GRAMD1C: variants seen among roughly 807,000 people sequenced by gnomAD.
The protein encoded by GRAMD1C is protein Aster-C.
Under a neutral mutation model 97.8 loss-of-function variants are expected in GRAMD1C, and 89 were observed. That is an observed-to-expected ratio of 0.91 (90% CI 0.77 to 1.09). The LOEUF (loss-of-function observed/expected upper bound fraction) is 1.09. Ranked by LOEUF, GRAMD1C falls within the 50% of genes least tolerant of loss-of-function variation. The pLI is 0.00. For missense variants in GRAMD1C, 740 were observed against 766.4 expected (o/e 0.97, Z 0.41); for synonymous variants, 256 against 267.0 (o/e 0.96, Z 0.40).
At chr3:113,843,062 T>G (rs552302788) in intron 1 of GRAMD1C, among the ~76,000 whole-genome samples, 34 of 143,076 alleles carry the variant, frequency 2.4e-4, no homozygotes, top group African/African-American at 7.5e-4. Flanking sequence ...TTTTTTTTTT[T>G]TTTTTTTTTT....
chr3:113,895,813 C>T (rs1234621499), intron 6 of GRAMD1C, among the ~76,000 whole-genome samples: 1 of 152,120 alleles, frequency 6.6e-6, no homozygotes, highest in East Asian at 1.9e-4. Flanking sequence ...TTTTTCTTGC[C>T]TCTTTGCCAG....
intron 7 of GRAMD1C, among the ~76,000 whole-genome samples, chr3:113,901,960 T>C (rs969257669): frequency 6.8e-6 from 1 of 146,786 alleles, no homozygotes; most frequent in Admixed American, 7.0e-5. Context: ...CAGGAGCTGA[T>C]AGGAAGGGAG....
chr3:113,911,630 CCTTTCTTTCCTTCTTT>C (rs967469724), intron 9 of GRAMD1C, among the ~76,000 whole-genome samples: 22 of 150,720 alleles, frequency 1.5e-4, no homozygotes, highest in African/African-American at 4.9e-4. Flanking sequence ...TTCCCTTCTT[CCTTTCTTTCCTTCTTT>C]CTTTTTCTTT....
chr3:113,832,272 C>A (rs1206041302), intron 1 of GRAMD1C, among the ~76,000 whole-genome samples: 2 of 152,122 alleles, frequency 1.3e-5, no homozygotes, highest in East Asian at 3.9e-4. Flanking sequence ...AGGTGATCCA[C>A]CTGCCTCAGC....
chr3:113,945,613 T>C lies in GRAMD1C; in HGVS notation c.*135T>C, dbSNP rs1430699430. 1.7e-6 allele frequency: 1 copy of C among 584,086 alleles called. No individual in the cohort carries two copies. Among genetic ancestry groups the C allele is most frequent in the Non-Finnish European group, 3.1e-6 (1 of 326,326 alleles). 36.2% of individuals were successfully genotyped at this position (584,086 alleles called of 1,614,324 possible). On this transcript the variant is annotated 3_prime_UTR_variant, in exon 18 of 18. Coordinates refer to ENST00000358160, the MANE Select transcript of GRAMD1C (RefSeq NM_017577.5). Reference sequence around the variant, plus strand: ...TATTGAGATTTCTAATATGAACATTTCTTTCAGTAACATTTATTTGATAAT... The same window carrying C: ...TATTGAGATTTCTAATATGAACATTCCTTTCAGTAACATTTATTTGATAAT...
intron 11 of GRAMD1C, among the ~76,000 whole-genome samples, chr3:113,932,459 G>A (rs1414814308): frequency 6.6e-6 from 1 of 152,134 alleles, no homozygotes; most frequent in African/African-American, 2.4e-5. Context: ...GAAAAGCAGT[G>A]TTTTGTTTGG....
At chr3:113,879,066 AT>A (rs774564518) in intron 5 of GRAMD1C, among the ~76,000 whole-genome samples, 30 of 152,154 alleles carry the variant, frequency 2.0e-4, no homozygotes, top group Non-Finnish European at 3.8e-4. Flanking sequence ...TTAGCTGGGC[AT>A]GGTGGTGCAC....
At chr3:113,924,148 G>A (rs1441873956) in intron 10 of GRAMD1C, among the ~76,000 whole-genome samples, 1 of 139,554 alleles carries the variant, frequency 7.2e-6, no homozygotes, top group East Asian at 2.2e-4. Flanking sequence ...ATTTCTGATT[G>A]TGTTTATTTG....
intron 3 of GRAMD1C, among the ~76,000 whole-genome samples, chr3:113,873,573 C>T (rs912710216): frequency 2.6e-5 from 4 of 151,892 alleles, no homozygotes; most frequent in Admixed American, 2.0e-4. Flanking sequence ...GGCTGGAGTG[C>T]AATGGCATGA....
At position 113,915,691 on chromosome 3, in the gene GRAMD1C, G is replaced by C. The variant is rs1265979334; in HGVS notation, c.953-10G>C. 1 of 1,604,214 alleles carries C rather than the reference G, an allele frequency of 6.2e-7. No homozygotes were observed. Among genetic ancestry groups the C allele is most frequent in the African/African-American group, 1.3e-5 (1 of 74,516 alleles). On this transcript the variant is annotated splice_polypyrimidine_tract_variant and intron_variant, in intron 9 of 17. Transcript: ENST00000358160. ...TTCTTCTCTTTTGGTTTGTGTTTCT[G>C]TTTTTCCAGAAAATGTTCCTGAGAA...
chr3:113,843,131 G>T lies in GRAMD1C; in HGVS notation c.28-1372G>T, dbSNP rs556702390. ...GCTTTGCCGGCCAGCCTGGAGTGCT[G>T]TAGCTTGATCATGGCTTACTACAGT... On this transcript the variant is annotated intron_variant, in intron 1 of 17. Coordinates refer to ENST00000358160, the MANE Select transcript of GRAMD1C (RefSeq NM_017577.5). Among the ~76,000 whole-genome samples, 4 of 136,416 alleles carry T rather than the reference G, an allele frequency of 2.9e-5. No homozygotes were observed. In the South Asian group the frequency reaches 9.1e-4, roughly 31 times the overall value. 89.5% of individuals were successfully genotyped at this position (136,416 alleles called of 152,430 possible). A position where few individuals can be genotyped will look rare whatever the true frequency, so the allele number is the denominator to read the frequency against.
intron 2 of GRAMD1C, among the ~76,000 whole-genome samples, chr3:113,855,700 TCTCAGAAAA>T (rs1934097320): frequency 6.7e-6 from 1 of 149,678 alleles, no homozygotes; most frequent in African/African-American, 2.5e-5. Context: ...TGAGACTCTG[TCTCAGAAAA>T]AAAAAAAAGA....
At chr3:113,858,069 A>AT (rs1282993991) in intron 2 of GRAMD1C, among the ~76,000 whole-genome samples, 2 of 152,074 alleles carry the variant, frequency 1.3e-5, no homozygotes, top group Non-Finnish European at 2.9e-5. Context: ...TATAGAATTA[A>AT]TTTTTTTAAT....
intron 17 of GRAMD1C, among the ~76,000 whole-genome samples, chr3:113,941,620 ATT>A (rs11378575): frequency 3.6e-5 from 5 of 139,484 alleles, no homozygotes; most frequent in Admixed American, 7.2e-5. Context: ...TGGTGTTGCA[ATT>A]TTTTTTTTTT....
intron 10 of GRAMD1C, among the ~76,000 whole-genome samples, chr3:113,923,620 A>G (rs112368968): frequency 0.12 from 18,507 of 152,228 alleles, 1,440 homozygotes; most frequent in East Asian, 0.29. Context: ...GATAAAGCCT[A>G]CTTTATTGTG....
intron 10 of GRAMD1C, among the ~76,000 whole-genome samples, chr3:113,930,204 G>A (rs1577217410): frequency 6.6e-6 from 1 of 152,072 alleles, no homozygotes; most frequent in African/African-American, 2.4e-5. Flanking sequence ...TTGCCTTACT[G>A]TGACTAAAGA....
At chr3:113,920,081 C>G in intron 10 of GRAMD1C, 1 of 1,194,184 alleles carries the variant, frequency 8.4e-7, no homozygotes, top group Non-Finnish European at 1.2e-6. Context: ...GTACTTCAAA[C>G]AGCAGGAGAT....
chr3:113,897,582 G>C (rs1271108246), intron 6 of GRAMD1C: 1 of 979,082 alleles, frequency 1.0e-6, no homozygotes, highest in Non-Finnish European at 1.2e-6. Flanking sequence ...CATTAGAAAA[G>C]CTTCTCATAG....
chr3:113,913,086 A>G, intron 9 of GRAMD1C: 1 of 1,276,210 alleles, frequency 7.8e-7, no homozygotes, highest in Middle Eastern at 2.1e-4. Context: ...GCAGCTGGGC[A>G]TGGATTAGTC....
Sources: allele counts gnomAD v4.1 joint callset (sites outside exome capture counted in the v4.1 genomes callset), GRCh38; gene constraint gnomAD v4.1.1; transcripts MANE v1.5; gene names NCBI Gene and HGNC (gene_info 2026-07-23, HGNC 2026-07-21).